Variants in TRIM13 observed in about 807,000 individuals in gnomAD.
The protein encoded by TRIM13 is tripartite motif containing 13.
A neutral mutation model predicts 27.1 loss-of-function variants in TRIM13; 15 were observed. That is an observed-to-expected ratio of 0.55 (90% CI 0.37 to 0.85). TRIM13 has a LOEUF of 0.85. Ranked by LOEUF, TRIM13 falls within the 40% of genes least tolerant of loss-of-function variation. TRIM13 has a pLI of 0.00. For synonymous variants in TRIM13, 193 were observed against 171.5 expected (o/e 1.13, Z -0.98); for missense variants, 402 against 472.2 (o/e 0.85, Z 1.38).
intron 1 of TRIM13, among the ~76,000 whole-genome samples, chr13:49,998,927 C>CAA (rs564684054): frequency 1.6e-4 from 17 of 109,078 alleles, no homozygotes; most frequent in African/African-American, 4.8e-4. Flanking sequence ...GAGACTCTAC[C>CAA]AAAAAAAAAA....
At chr13:50,011,013 C>T (rs1875562683) in intron 1 of TRIM13, among the ~76,000 whole-genome samples, 1 of 152,166 alleles carries the variant, frequency 6.6e-6, no homozygotes, top group South Asian at 2.1e-4. Context: ...ATAATTTTTA[C>T]TGCTGCATCA....
intron 1 of TRIM13, among the ~76,000 whole-genome samples, chr13:50,011,336 A>T (rs1875611659): frequency 6.6e-6 from 1 of 152,054 alleles, no homozygotes. Context: ...CTGGTGGTTT[A>T]AAAACAACAA....
In TRIM13 at chr13:50,013,489, ATTGT is replaced by A. The variant is rs1411669653; in HGVS notation, c.*327_*330del. On this transcript the variant is annotated 3_prime_UTR_variant, in exon 2 of 2. Coordinates refer to ENST00000378182, the MANE Select transcript of TRIM13 (RefSeq NM_213590.3). ...TGGAAGTATAGGTAGTATAGTAGTG[ATTGT>A]TCTTCAAGCATGCAGTAAAGATCAC... 1 of 170,360 alleles carries A rather than the reference ATTGT, an allele frequency of 5.9e-6. No individual in the cohort carries two copies. Among genetic ancestry groups the A allele is most frequent in the African/African-American group, 2.6e-5 (1 of 38,916 alleles). 10.6% of individuals were successfully genotyped at this position (170,360 alleles called of 1,614,324 possible).
intron 1 of TRIM13, among the ~76,000 whole-genome samples, chr13:50,006,365 C>A (rs1386529926): frequency 2.6e-5 from 4 of 152,062 alleles, no homozygotes; most frequent in Non-Finnish European, 5.9e-5. Context: ...TTTTCTCCTC[C>A]TCATCCCACC....
At position 50,007,609 on chromosome 13, in the gene TRIM13, C is replaced by T. The variant is rs1156545916; in HGVS notation, c.-6-4326C>T. Among the ~76,000 whole-genome samples, 6 of 148,564 alleles carry T rather than the reference C, an allele frequency of 4.0e-5. No individual in the cohort carries two copies. In the East Asian group the frequency reaches 6.1e-4, roughly 15 times the overall value. On this transcript the variant is annotated intron_variant, in intron 1 of 1. Transcript: ENST00000378182. ...CAGCTTGGCCAACATGGTGAAACCC[C>T]GTTTCTACTAAAAATACAAAAATTA...
At position 50,012,629 on chromosome 13, in the gene TRIM13, G is replaced by A. The variant is rs759678543; in HGVS notation, c.689G>A (p.Arg230Gln). 6 of 1,613,946 alleles carry A rather than the reference G, an allele frequency of 3.7e-6. No individual in the cohort carries two copies. The highest frequency in any genetic ancestry group is 5.1e-6 in the Non-Finnish European group (6 of 1,180,010). ...CTCAACACCATCTTGCAGGAGCAAC[G>A]GATGGCCTTTAACATTGCTGAGGCT... ...NKLNTILQEQ[R>Q]MAFNIAEAFK... Residue 230 changes from arginine (R) to glutamine (Q), a missense_variant, in exon 2 of 2, where the codon CGG becomes CAG. Physicochemically the swap from Arg to Gln is conservative, Grantham distance 43. This residue lies in a region of TRIM13 where 202 missense variants were observed against 277.5 expected (regional missense o/e 0.73). Transcript: ENST00000378182.
chr13:50,006,269 C>G (rs1165004437), intron 1 of TRIM13, among the ~76,000 whole-genome samples: 1 of 151,946 alleles, frequency 6.6e-6, no homozygotes, highest in Non-Finnish European at 1.5e-5. Flanking sequence ...CACTTTTGAT[C>G]ACATTTGTTT....
rs1875999785 is a variant in TRIM13 at position 50,014,003 on chromosome 13, A to G, written c.*839A>G. 6.0e-6 allele frequency: 1 copy of G among 166,880 alleles called. No homozygotes were observed. The highest frequency in any genetic ancestry group is 2.1e-4 in the South Asian group (1 of 4,828). 10.3% of individuals were successfully genotyped at this position (166,880 alleles called of 1,614,324 possible). A position where few individuals can be genotyped will look rare whatever the true frequency, so the allele number is the denominator to read the frequency against. ...TTTCTACAGAGAGTTAATTATCACC[A>G]AAATGTGAATGGTACATACAAAACC... On this transcript the variant is annotated 3_prime_UTR_variant, in exon 2 of 2. Coordinates refer to ENST00000378182, the MANE Select transcript of TRIM13 (RefSeq NM_213590.3).
At chr13:50,005,235 A>G (rs1336707748) in intron 1 of TRIM13, among the ~76,000 whole-genome samples, 4 of 152,112 alleles carry the variant, frequency 2.6e-5, no homozygotes, top group Non-Finnish European at 4.4e-5. Context: ...AGTACCTTTT[A>G]TTTATGATAT....
rs746658900 is a variant in TRIM13 at position 50,013,198 on chromosome 13, G to C, written c.*34G>C. The C allele has an allele frequency of 6.6e-7, 1 of 1,506,974 alleles. No homozygotes were observed. The highest frequency in any genetic ancestry group is 8.9e-7 in the Non-Finnish European group (1 of 1,129,738). 93.4% of individuals were successfully genotyped at this position (1,506,974 alleles called of 1,614,324 possible). A position where few individuals can be genotyped will look rare whatever the true frequency, so the allele number is the denominator to read the frequency against. ...TCAAGTATGCAGTTTTCTTTTGTTAGAAATTGTTAGAGAATAGAGAGTGGT... is the reference window on the plus strand; with the variant it reads ...TCAAGTATGCAGTTTTCTTTTGTTACAAATTGTTAGAGAATAGAGAGTGGT... On this transcript the variant is annotated 3_prime_UTR_variant, in exon 2 of 2. Transcript: ENST00000378182.
In TRIM13 at chr13:50,017,811, AATCT is replaced by A. The variant is rs1342643955; in HGVS notation, c.*4652_*4655del. 1 of 167,030 alleles carries A rather than the reference AATCT, an allele frequency of 6.0e-6. No individual in the cohort carries two copies. The highest frequency in any genetic ancestry group is 1.5e-5 in the Non-Finnish European group (1 of 68,102). The allele number at this position is 167,030 out of a possible 1,614,324, so 10.3% of individuals were successfully genotyped here. A position where few individuals can be genotyped will look rare whatever the true frequency, so the allele number is the denominator to read the frequency against. On this transcript the variant is annotated 3_prime_UTR_variant, in exon 2 of 2. Transcript: ENST00000378182. ...TATTTTTTGCTCACTCCCTGGTCTG[AATCT>A]ATCTGTCTATTCAGATATTTTTTGG...
chr13:50,011,350 A>G (rs531116483), intron 1 of TRIM13, among the ~76,000 whole-genome samples: 14 of 152,232 alleles, frequency 9.2e-5, no homozygotes, highest in Non-Finnish European at 1.6e-4. Flanking sequence ...ACAACAAAAA[A>G]CCTCATTTAG....
Position 50,017,239 on chromosome 13 carries a change from AC to A in TRIM13, c.*4077del, listed in dbSNP as rs1427321694. On this transcript the variant is annotated 3_prime_UTR_variant, in exon 2 of 2. Transcript: ENST00000378182. Reference sequence around the variant, plus strand: ...GGTTTTTAAAATATGAGTGATTATGACCTCTTTGGGGATCATGCTTCAAAAA... The same window carrying A: ...GGTTTTTAAAATATGAGTGATTATGACTCTTTGGGGATCATGCTTCAAAAA... The A allele has an allele frequency of 6.0e-6, 1 of 167,032 alleles. No homozygotes were observed. The highest frequency in any genetic ancestry group is 2.4e-5 in the African/African-American group (1 of 41,424). 10.3% of individuals were successfully genotyped at this position (167,032 alleles called of 1,614,324 possible). A position where few individuals can be genotyped will look rare whatever the true frequency, so the allele number is the denominator to read the frequency against.
chr13:50,015,337 A>G lies in TRIM13; in HGVS notation c.*2173A>G, dbSNP rs766248263. ...TTGCAAACACAGCCATGGATACACT[A>G]TTTACCTTACAGTAGTTTCCTGGGA... On this transcript the variant is annotated 3_prime_UTR_variant, in exon 2 of 2. Coordinates refer to ENST00000378182, the MANE Select transcript of TRIM13 (RefSeq NM_213590.3). 5 of 636,984 alleles carry G rather than the reference A, an allele frequency of 7.8e-6. No individual in the cohort carries two copies. In the East Asian group the frequency reaches 1.4e-4, roughly 17 times the overall value. 39.5% of individuals were successfully genotyped at this position (636,984 alleles called of 1,614,324 possible). A position where few individuals can be genotyped will look rare whatever the true frequency, so the allele number is the denominator to read the frequency against.
In TRIM13 at chr13:50,014,360, T is replaced by TACCC. The variant is rs1876096663; in HGVS notation, c.*1198_*1199insCCAC. 1.7e-5 allele frequency: 1 copy of TACCC among 58,544 alleles called. No homozygotes were observed. The highest frequency in any genetic ancestry group is 7.2e-5 in the African/African-American group (1 of 13,966). The allele number at this position is 58,544 out of a possible 1,614,324, so 3.6% of individuals were successfully genotyped here. A position where few individuals can be genotyped will look rare whatever the true frequency, so the allele number is the denominator to read the frequency against. On this transcript the variant is annotated 3_prime_UTR_variant, in exon 2 of 2. Coordinates refer to ENST00000378182, the MANE Select transcript of TRIM13 (RefSeq NM_213590.3). ...AAAAAAAAAAATATATATATATATA[T>TACCC]ACACACACACACACACATATGTACA... is the stretch of plus-strand genomic sequence containing the variant.
intron 1 of TRIM13, among the ~76,000 whole-genome samples, chr13:50,004,779 TAA>T (rs562881816): frequency 1.3e-4 from 15 of 117,870 alleles, no homozygotes; most frequent in Non-Finnish European, 1.3e-4. Context: ...GACCCTGTCT[TAA>T]AAAAAAAAAA....
At position 50,012,702 on chromosome 13, in the gene TRIM13, G is replaced by A; in HGVS notation, c.762G>A (p.Glu254=). Residue 254 remains glutamate (E), a synonymous_variant, in exon 2 of 2, where the codon GAG becomes GAA. Transcript: ENST00000378182. The part of the protein sequence containing the change: ...EPIVFLQQMQ[E]FREKIKVIKE... The stretch of plus-strand genomic sequence containing the variant: ...TTGTATTTCTGCAACAGATGCAGGA[G>A]TTTAGAGAGAAAATCAAAGTAATCA... 1.9e-6 allele frequency: 3 copies of A among 1,614,124 alleles called. No homozygotes were observed. Among genetic ancestry groups the A allele is most frequent in the East Asian group, 2.2e-5 (1 of 44,880 alleles).
chr13:50,011,512 T>C (rs1875640844), intron 1 of TRIM13, among the ~76,000 whole-genome samples: 1 of 152,238 alleles, frequency 6.6e-6, no homozygotes, highest in Admixed American at 6.5e-5. Flanking sequence ...CTGTGCTTCT[T>C]TCTTTTATAT....
At chr13:49,997,991 A>G (rs1873448343) in intron 1 of TRIM13, among the ~76,000 whole-genome samples, 1 of 152,204 alleles carries the variant, frequency 6.6e-6, no homozygotes, top group South Asian at 2.1e-4. Context: ...CATTCATATT[A>G]CAAAGGAAGA....
Sources: allele counts gnomAD v4.1 joint callset (sites outside exome capture counted in the v4.1 genomes callset), GRCh38; gene constraint gnomAD v4.1.1; regional missense constraint gnomAD v4.1.1; transcripts MANE v1.5; gene names NCBI Gene and HGNC (gene_info 2026-07-23, HGNC 2026-07-21).